ZFAND3: variants seen among roughly 807,000 people sequenced by gnomAD.
The protein encoded by ZFAND3 is AN1-type zinc finger protein 3.
A neutral mutation model predicts 29.6 loss-of-function variants in ZFAND3; 10 were observed. The ratio of observed to expected loss-of-function variants is 0.34; its 90% CI spans 0.21 to 0.57. The LOEUF (loss-of-function observed/expected upper bound fraction) is 0.57. ZFAND3 is among the 20% of genes least tolerant of loss of function. ZFAND3 has a pLI of 0.86. For synonymous variants in ZFAND3, 128 were observed against 112.6 expected, an observed-to-expected ratio of 1.14 and a Z score of -0.87; for missense variants, 230 against 304.5, an observed-to-expected ratio of 0.76 and a Z score of 1.82.
At chr6:37,911,483 C>G (rs945821121) in intron 1 of ZFAND3, among the ~76,000 whole-genome samples, 1 of 152,164 alleles carries the variant, frequency 6.6e-6, no homozygotes, top group Non-Finnish European at 1.5e-5. Flanking sequence ...TATTTCCTTT[C>G]ATTCTGCAGG....
At chr6:38,018,298 C>G (rs192183186) in intron 2 of ZFAND3, among the ~76,000 whole-genome samples, 39 of 152,166 alleles carry the variant, frequency 2.6e-4, no homozygotes, top group African/African-American at 9.4e-4. Context: ...AAATGAAATA[C>G]AAAGAACCTA....
intron 5 of ZFAND3, among the ~76,000 whole-genome samples, chr6:38,149,034 CT>C (rs1162559856): frequency 1.3e-5 from 2 of 152,112 alleles, no homozygotes; most frequent in Non-Finnish European, 2.9e-5. Flanking sequence ...AATCTATCTG[CT>C]GTTTAATAGT....
intron 1 of ZFAND3, among the ~76,000 whole-genome samples, chr6:37,842,300 G>A (rs1764093164): frequency 6.6e-6 from 1 of 152,110 alleles, no homozygotes; most frequent in Non-Finnish European, 1.5e-5. Context: ...TCCCTTCCTA[G>A]TCAGGCTGGT....
At chr6:37,973,035 C>CA (rs1298791487) in intron 2 of ZFAND3, among the ~76,000 whole-genome samples, 1 of 152,066 alleles carries the variant, frequency 6.6e-6, no homozygotes, top group Non-Finnish European at 1.5e-5. Flanking sequence ...GTTCATTTGT[C>CA]AAAGTCATCA....
chr6:38,072,076 A>T (rs959847821), intron 3 of ZFAND3, among the ~76,000 whole-genome samples: 1 of 152,160 alleles, frequency 6.6e-6, no homozygotes, highest in Non-Finnish European at 1.5e-5. Flanking sequence ...GAAAATTTGG[A>T]TGCTTTGTGG....
At chr6:37,941,013 G>T (rs1284692740) in intron 2 of ZFAND3, among the ~76,000 whole-genome samples, 1 of 152,188 alleles carries the variant, frequency 6.6e-6, no homozygotes, top group East Asian at 1.9e-4. Context: ...TTGTAACTAA[G>T]ATTGCTGCAG....
chr6:37,907,771 A>G (rs1213501283), intron 1 of ZFAND3, among the ~76,000 whole-genome samples: 1 of 152,218 alleles, frequency 6.6e-6, no homozygotes, highest in African/African-American at 2.4e-5. Flanking sequence ...TAAGTAGTAT[A>G]GCAAACACCT....
chr6:37,893,957 TTAC>T (rs1581740645), intron 1 of ZFAND3, among the ~76,000 whole-genome samples: 1 of 152,110 alleles, frequency 6.6e-6, no homozygotes, highest in East Asian at 1.9e-4. Context: ...TAATTTTGCT[TTAC>T]ACATTTGTCT....
At chr6:38,140,146 G>A (rs1489409439) in intron 5 of ZFAND3, among the ~76,000 whole-genome samples, 1 of 152,192 alleles carries the variant, frequency 6.6e-6, no homozygotes, top group East Asian at 1.9e-4. Context: ...GACATCTCAA[G>A]TCTGAAATAC....
At chr6:38,126,161 A>G (rs952047053) in intron 5 of ZFAND3, among the ~76,000 whole-genome samples, 3 of 152,206 alleles carry the variant, frequency 2.0e-5, no homozygotes, top group Admixed American at 6.5e-5. Flanking sequence ...CACCTTTTCT[A>G]CAATTTTAAT....
intron 3 of ZFAND3, among the ~76,000 whole-genome samples, chr6:38,082,074 C>T (rs2127470806): frequency 6.6e-6 from 1 of 152,012 alleles, no homozygotes; most frequent in South Asian, 2.1e-4. Context: ...GTAATTTCCT[C>T]TCACCCAGAT....
intron 4 of ZFAND3, among the ~76,000 whole-genome samples, chr6:38,098,667 AT>A (rs1029512489): frequency 6.6e-6 from 1 of 150,834 alleles, no homozygotes; most frequent in Non-Finnish European, 1.5e-5. Flanking sequence ...TGCCTGGCTA[AT>A]TTTTTTTTAT....
chr6:37,917,669 T>G (rs765554379), intron 1 of ZFAND3, among the ~76,000 whole-genome samples: 1 of 152,212 alleles, frequency 6.6e-6, no homozygotes, highest in Non-Finnish European at 1.5e-5. Flanking sequence ...ATAATTAAAA[T>G]AGGAAATGAA....
At chr6:37,924,586 G>C (rs1761447079) in intron 1 of ZFAND3, among the ~76,000 whole-genome samples, 1 of 152,074 alleles carries the variant, frequency 6.6e-6, no homozygotes, top group Non-Finnish European at 1.5e-5. Context: ...TGTAATCCCA[G>C]CATTTTGGGA....
intron 2 of ZFAND3, among the ~76,000 whole-genome samples, chr6:37,991,090 G>A (rs1762751038): frequency 6.6e-6 from 1 of 152,060 alleles, no homozygotes; most frequent in African/African-American, 2.4e-5. Flanking sequence ...TAAGTTCTGT[G>A]GGTTTGAATA....
intron 1 of ZFAND3, among the ~76,000 whole-genome samples, chr6:37,856,100 T>A (rs551996569): frequency 6.6e-6 from 1 of 152,072 alleles, no homozygotes; most frequent in Non-Finnish European, 1.5e-5. Flanking sequence ...GCTCAAGTGA[T>A]CCTCCAGCCT....
chr6:37,934,829 A>G (rs1255806601), intron 2 of ZFAND3, among the ~76,000 whole-genome samples: 2 of 99,152 alleles, frequency 2.0e-5, no homozygotes, highest in Non-Finnish European at 3.8e-5. Context: ...ACAGAGTGAG[A>G]CTCTGTCTCA....
chr6:37,846,454 T>C (rs944791298), intron 1 of ZFAND3, among the ~76,000 whole-genome samples: 1 of 152,152 alleles, frequency 6.6e-6, no homozygotes, highest in African/African-American at 2.4e-5. Context: ...AATTATAGTA[T>C]TAAAGTTATG....
intron 2 of ZFAND3, among the ~76,000 whole-genome samples, chr6:37,980,629 A>G (rs2127432121): frequency 6.6e-6 from 1 of 152,206 alleles, no homozygotes; most frequent in East Asian, 1.9e-4. Flanking sequence ...CTTGCAGTAC[A>G]ATTTGATCGG....
Sources: allele counts gnomAD v4.1 joint callset (sites outside exome capture counted in the v4.1 genomes callset), GRCh38; gene constraint gnomAD v4.1.1; transcripts MANE v1.5; gene names NCBI Gene and HGNC (gene_info 2026-07-23, HGNC 2026-07-21).